GAS7: variants seen among roughly 807,000 people sequenced by gnomAD.
GAS7 encodes the protein growth arrest-specific protein 7.
Under a neutral mutation model 71.1 loss-of-function variants are expected in GAS7, and 28 were observed. The ratio of observed to expected loss-of-function variants is 0.39; its 90% CI spans 0.29 to 0.54. The LOEUF (loss-of-function observed/expected upper bound fraction) is 0.54, where lower values mean the gene tolerates loss of function less well. GAS7 is among the 20% of genes least tolerant of loss of function. The probability of loss-of-function intolerance (pLI) is 0.62; values close to 1 mark genes in which losing one functional copy is unlikely to be tolerated. For synonymous variants in GAS7, 258 were observed against 245.8 expected, an observed-to-expected ratio of 1.05 and a Z score of -0.46; for missense variants, 436 against 627.8, an observed-to-expected ratio of 0.69 and a Z score of 3.27.
chr17:9,996,238 G>A (rs1485833314), intron 2 of GAS7, among the ~76,000 whole-genome samples: 3 of 152,150 alleles, frequency 2.0e-5, no homozygotes, highest in African/African-American at 7.2e-5. Context: ...ATACTATGCA[G>A]CCATAAAAAA....
intron 1 of GAS7, among the ~76,000 whole-genome samples, chr17:10,159,786 C>CTTT (rs71139021): frequency 0.29 from 39,154 of 134,286 alleles, 6,597 homozygotes; most frequent in African/African-American, 0.44. Context: ...GAAGTGTGAC[C>CTTT]TTTTTTTTTT....
chr17:10,012,722 T>G (rs1003108997), intron 2 of GAS7, among the ~76,000 whole-genome samples: 2 of 152,186 alleles, frequency 1.3e-5, no homozygotes, highest in Non-Finnish European at 2.9e-5. Context: ...TGAAACCTAA[T>G]TCCCCATGTG....
intron 1 of GAS7, among the ~76,000 whole-genome samples, chr17:10,165,291 CAAA>C (rs71365731): frequency 2.6e-5 from 2 of 77,650 alleles, no homozygotes; most frequent in East Asian, 3.4e-4. Context: ...GATTCCTTCT[CAAA>C]AAAAAAAAAA....
intron 2 of GAS7, among the ~76,000 whole-genome samples, chr17:10,017,573 C>T (rs551139283): frequency 2.0e-5 from 3 of 152,220 alleles, no homozygotes; most frequent in Non-Finnish European, 4.4e-5. Context: ...AAGTGATCCA[C>T]CTGCCTCGGC....
chr17:9,930,887 G>C (rs560540462), intron 9 of GAS7, among the ~76,000 whole-genome samples: 83 of 152,328 alleles, frequency 5.4e-4, no homozygotes, highest in South Asian at 1.2e-3. Flanking sequence ...GGAAGCAGCC[G>C]AGAGCCTCTC....
intron 1 of GAS7, among the ~76,000 whole-genome samples, chr17:10,172,776 C>T (rs1041375878): frequency 2.6e-5 from 4 of 152,342 alleles, no homozygotes; most frequent in Admixed American, 1.3e-4. Flanking sequence ...CCCCTCACTG[C>T]CTACCTTCTT....
intron 1 of GAS7, among the ~76,000 whole-genome samples, chr17:10,159,093 T>TATATATATATATATATATATAC: frequency 1.6e-5 from 2 of 123,312 alleles, no homozygotes; most frequent in South Asian, 2.6e-4. Flanking sequence ...TATATATATA[T>TATATATATATATATATATATAC]ATATTAAAGA....
intron 3 of GAS7, among the ~76,000 whole-genome samples, chr17:9,975,659 T>C (rs1232733450): frequency 6.6e-6 from 1 of 152,038 alleles, no homozygotes; most frequent in East Asian, 1.9e-4. Context: ...GTATTGTAAG[T>C]GTTATGCAGT....
chr17:9,961,606 G>A (rs2069497043), intron 4 of GAS7, among the ~76,000 whole-genome samples: 1 of 152,200 alleles, frequency 6.6e-6, no homozygotes, highest in African/African-American at 2.4e-5. Context: ...TGGTGATGAG[G>A]GGGCTAAGGG....
chr17:10,018,255 C>CT (rs1346991629), intron 2 of GAS7, among the ~76,000 whole-genome samples: 3 of 152,186 alleles, frequency 2.0e-5, no homozygotes, highest in African/African-American at 7.2e-5. Flanking sequence ...AAACTAGTCT[C>CT]TAACTTAAAA....
rs2142055505 is a variant in GAS7, at chr17:10,103,241, G to T, written c.184-83344C>A. ...CACTTGTGGTCCTAGCTACTCAGGA[G>T]GCTAAGGTGGGAGAATCACCTGAGC... On this transcript the variant is annotated intron_variant, in intron 1 of 13. Transcript: ENST00000432992. The surrounding 1 kb of genome is among the most constrained non-coding windows in gnomAD (Gnocchi z 5.5). Among the ~76,000 whole-genome samples the T allele has an allele frequency of 6.6e-6, 1 of 152,152 alleles. No individual in the cohort carries two copies. The highest frequency in any genetic ancestry group is 2.4e-5 in the African/African-American group (1 of 41,512).
chr17:10,175,990 C>A (rs776375503), intron 1 of GAS7, among the ~76,000 whole-genome samples: 24 of 152,182 alleles, frequency 1.6e-4, no homozygotes, highest in Admixed American at 6.5e-5. Flanking sequence ...CGTTATCACT[C>A]GGTCTGGTTC....
intron 4 of GAS7, among the ~76,000 whole-genome samples, chr17:9,966,654 G>A (rs1029685958): frequency 1.3e-5 from 2 of 152,046 alleles, no homozygotes; most frequent in African/African-American, 4.8e-5. Flanking sequence ...TTTAACTCTT[G>A]GCACCTTTTT....
intron 2 of GAS7, among the ~76,000 whole-genome samples, chr17:10,013,492 C>T (rs1015143050): frequency 5.3e-5 from 8 of 152,134 alleles, no homozygotes; most frequent in African/African-American, 1.9e-4. Context: ...ATACCAAAAC[C>T]CTGGGAGTTC....
rs964842965 is a variant in GAS7 at position 9,915,620 on chromosome 17, G to A, written c.*1608C>T. ...AAGCAATTCTCATTCAATGAAAGAG[G>A]CGCCAAAAAATTAGAGATTAATAAG... On this transcript the variant is annotated 3_prime_UTR_variant, in exon 14 of 14. Coordinates refer to ENST00000432992, the MANE Select transcript of GAS7 (RefSeq NM_201433.2). 1 of 227,792 alleles carries A rather than the reference G, an allele frequency of 4.4e-6. No individual in the cohort carries two copies. The highest frequency in any genetic ancestry group is 6.3e-5 in the East Asian group (1 of 15,814). 14.1% of individuals were successfully genotyped at this position (227,792 alleles called of 1,614,324 possible). A position where few individuals can be genotyped will look rare whatever the true frequency, so the allele number is the denominator to read the frequency against.
chr17:10,011,279 A>T (rs1474286495), intron 2 of GAS7, among the ~76,000 whole-genome samples: 1 of 152,228 alleles, frequency 6.6e-6, no homozygotes, highest in Non-Finnish European at 1.5e-5. Flanking sequence ...TGGATGAAGC[A>T]TCACTCTGCA....
intron 1 of GAS7, among the ~76,000 whole-genome samples, chr17:10,095,801 C>CAAAAA (rs58811317): frequency 9.1e-6 from 1 of 110,118 alleles, no homozygotes; most frequent in African/African-American, 3.4e-5. Context: ...GACTCCATCT[C>CAAAAA]AAAAAAAAAA....
intron 1 of GAS7, among the ~76,000 whole-genome samples, chr17:10,193,260 CAAA>C (rs57261260): frequency 3.5e-5 from 4 of 113,432 alleles, no homozygotes; most frequent in Non-Finnish European, 3.5e-5. Context: ...CCTCTAGAGT[CAAA>C]AAAAAAAAAA....
At chr17:9,990,608 C>T (rs1402926523) in intron 2 of GAS7, among the ~76,000 whole-genome samples, 3 of 152,104 alleles carry the variant, frequency 2.0e-5, no homozygotes, top group Non-Finnish European at 4.4e-5. Context: ...GGAAGAGAAT[C>T]CCAAATGAAG....
Sources: allele counts gnomAD v4.1 joint callset (sites outside exome capture counted in the v4.1 genomes callset), GRCh38; gene constraint gnomAD v4.1.1; non-coding constraint Gnocchi (gnomAD v3.1); transcripts MANE v1.5; gene names NCBI Gene and HGNC (gene_info 2026-07-23, HGNC 2026-07-21).